ULK4: variants seen among roughly 807,000 people sequenced by gnomAD.
ULK4 encodes the protein inactive serine/threonine-protein kinase ULK4.
ULK4 carries 133 observed loss-of-function variants against 160.6 expected under a neutral mutation model. The observed-to-expected ratio is 0.83, with a 90% CI of 0.72 to 0.96. The LOEUF (loss-of-function observed/expected upper bound fraction) is 0.96. Ranked by LOEUF, ULK4 falls within the 40% of genes least tolerant of loss-of-function variation. The pLI, the probability that ULK4 is intolerant of heterozygous loss-of-function variation, is 0.00. For synonymous variants in ULK4, 534 were observed against 539.8 expected (o/e 0.99, Z 0.15); for missense variants, 1,580 against 1,499.5 (o/e 1.05, Z -0.89).
intron 32 of ULK4, among the ~76,000 whole-genome samples, chr3:41,560,343 C>T (rs926012093): frequency 2.6e-5 from 4 of 152,122 alleles, no homozygotes; most frequent in Admixed American, 6.5e-5. Flanking sequence ...CTTGGCAATG[C>T]GGGCTCTTTT....
intron 2 of ULK4, among the ~76,000 whole-genome samples, chr3:41,941,550 G>A (rs958676149): frequency 2.7e-5 from 4 of 150,938 alleles, no homozygotes; most frequent in East Asian, 3.9e-4. Context: ...AAAGCAGAGC[G>A]ACCAAGAGAA....
chr3:41,815,731 TG>T (rs1254157603), intron 19 of ULK4, among the ~76,000 whole-genome samples: 2 of 152,186 alleles, frequency 1.3e-5, no homozygotes, highest in African/African-American at 2.4e-5. Context: ...TACCTTAAAT[TG>T]GGTCTGGATA....
At chr3:41,941,769 A>AAAAAAAT in intron 2 of ULK4, among the ~76,000 whole-genome samples, 1 of 149,128 alleles carries the variant, frequency 6.7e-6, no homozygotes, top group Non-Finnish European at 1.5e-5. Context: ...AAAAAAAAAA[A>AAAAAAAT]AAAAAAAAAA....
intron 19 of ULK4, among the ~76,000 whole-genome samples, chr3:41,806,089 A>T (rs1559566802): frequency 6.8e-6 from 1 of 146,230 alleles, no homozygotes. Context: ...CTCTGGTAGA[A>T]TTCGGCTGTG....
intron 11 of ULK4, among the ~76,000 whole-genome samples, chr3:41,910,537 A>C (rs546072131): frequency 1.5e-3 from 235 of 152,216 alleles, no homozygotes; most frequent in African/African-American, 5.5e-3. Context: ...TGGAGGCTGC[A>C]GTGAGCCAAG....
At chr3:41,417,006 C>T (rs2082543136) in intron 34 of ULK4, among the ~76,000 whole-genome samples, 2 of 152,166 alleles carry the variant, frequency 1.3e-5, no homozygotes, top group South Asian at 4.1e-4. Context: ...TGCCATGGTA[C>T]AGCCCTTGAG....
intron 27 of ULK4, among the ~76,000 whole-genome samples, chr3:41,695,714 G>A (rs957776245): frequency 6.6e-5 from 10 of 152,216 alleles, no homozygotes; most frequent in Admixed American, 2.6e-4. Flanking sequence ...GCAAGAGACC[G>A]AGGCCACGAG....
intron 17 of ULK4, among the ~76,000 whole-genome samples, chr3:41,848,956 T>A (rs1284405908): frequency 4.6e-5 from 7 of 152,188 alleles, no homozygotes; most frequent in Admixed American, 4.6e-4. Flanking sequence ...TTCTGGCCAA[T>A]TAACTGAAAG....
Position 41,896,987 on chromosome 3 carries a change from A to G in ULK4, c.1365T>C (p.Phe455=). ...LPTYSVDKLL[F]LKDQDWNDFL... is the part of the protein sequence containing the mutation. ...AGTCATTCCAATCTTGATCTTTCAG[A>G]AATAATAACTTATCCACTGCGATGG... Residue 455 remains phenylalanine, a synonymous_variant, in exon 15 of 37, where the codon TTT becomes TTC. Coordinates refer to ENST00000301831, the MANE Select transcript of ULK4 (RefSeq NM_017886.4). 6.2e-7 allele frequency: 1 copy of G among 1,612,376 alleles called. No homozygotes were observed. Among genetic ancestry groups the G allele is most frequent in the Admixed American group, 1.7e-5 (1 of 59,806 alleles).
At chr3:41,699,738 G>A (rs893291397) in intron 27 of ULK4, among the ~76,000 whole-genome samples, 3 of 152,168 alleles carry the variant, frequency 2.0e-5, no homozygotes, top group Non-Finnish European at 4.4e-5. Context: ...TATGTTCCTT[G>A]GGGTGTTGGA....
chr3:41,679,274 A>T (rs1390597129), intron 29 of ULK4, among the ~76,000 whole-genome samples: 1 of 152,200 alleles, frequency 6.6e-6, no homozygotes, highest in Non-Finnish European at 1.5e-5. Flanking sequence ...TTTGCCACAC[A>T]CTGTACCGTT....
intron 30 of ULK4, among the ~76,000 whole-genome samples, chr3:41,641,692 G>A (rs1398732003): frequency 6.6e-6 from 1 of 152,154 alleles, no homozygotes; most frequent in African/African-American, 2.4e-5. Flanking sequence ...TCAAGCACAT[G>A]AGTCCTTCTG....
intron 27 of ULK4, among the ~76,000 whole-genome samples, chr3:41,688,714 A>G (rs908550457): frequency 1.3e-5 from 2 of 152,164 alleles, no homozygotes; most frequent in Admixed American, 6.5e-5. Flanking sequence ...TAAGCAATTT[A>G]GTGTCCTTTC....
chr3:41,798,451 A>G (rs2040363695), intron 20 of ULK4, among the ~76,000 whole-genome samples: 1 of 152,214 alleles, frequency 6.6e-6, no homozygotes, highest in South Asian at 2.1e-4. Flanking sequence ...AGACGTGTGT[A>G]TAATCAATGT....
At chr3:41,842,597 CCT>C (rs1286874002) in intron 17 of ULK4, among the ~76,000 whole-genome samples, 2 of 150,390 alleles carry the variant, frequency 1.3e-5, no homozygotes, top group Non-Finnish European at 3.0e-5. Flanking sequence ...GCACCTCCCT[CCT>C]CTCTCTTTCC....
At chr3:41,612,702 T>C (rs2032745518) in intron 31 of ULK4, among the ~76,000 whole-genome samples, 1 of 152,196 alleles carries the variant, frequency 6.6e-6, no homozygotes, top group Non-Finnish European at 1.5e-5. Context: ...TTCACTATTT[T>C]ATATAGATAA....
chr3:41,411,434 T>A (rs80351056), intron 34 of ULK4, among the ~76,000 whole-genome samples: 3 of 143,760 alleles, frequency 2.1e-5, no homozygotes, highest in African/African-American at 8.2e-5. Flanking sequence ...TTTTTTTTTT[T>A]ATTTTTATTT....
intron 35 of ULK4, among the ~76,000 whole-genome samples, chr3:41,378,031 A>G (rs1010270389): frequency 1.3e-5 from 2 of 151,900 alleles, no homozygotes; most frequent in Non-Finnish European, 2.9e-5. Context: ...ACACCATGGA[A>G]TACTATGCAG....
intron 35 of ULK4, among the ~76,000 whole-genome samples, chr3:41,384,860 C>G (rs749679014): frequency 6.6e-6 from 1 of 152,140 alleles, no homozygotes; most frequent in Non-Finnish European, 1.5e-5. Flanking sequence ...ACTGGGATTA[C>G]AGGCGTGAGC....
Sources: gnomAD v4.1 joint callset for allele counts (sites outside exome capture counted in the v4.1 genomes callset) on GRCh38, gnomAD v4.1.1 for gene constraint, MANE v1.5 for transcripts, NCBI Gene and HGNC (gene_info 2026-07-23, HGNC 2026-07-21) for gene names.